Variants in FSTL5 observed in about 807,000 individuals in gnomAD.
FSTL5 encodes the protein follistatin-related protein 5.
A neutral mutation model predicts 89.1 loss-of-function variants in FSTL5; 62 were observed. That is an observed-to-expected ratio of 0.70 (90% CI 0.57 to 0.86). FSTL5 has a LOEUF of 0.86. Among genes scored for constraint, FSTL5 ranks in the 40% least tolerant of loss-of-function variants. The pLI is 0.00. For synonymous variants in FSTL5, 383 were observed against 346.2 expected (o/e 1.11, Z -1.18); for missense variants, 1,057 against 1,001.6 (o/e 1.06, Z -0.75).
At chr4:161,432,534 G>T (rs1732412921) in intron 15 of FSTL5, among the ~76,000 whole-genome samples, 1 of 151,776 alleles carries the variant, frequency 6.6e-6, no homozygotes, top group African/African-American at 2.4e-5. Context: ...GCATCTTAAA[G>T]AACTAGAAAA....
intron 15 of FSTL5, among the ~76,000 whole-genome samples, chr4:161,396,842 A>G (rs1445147036): frequency 6.6e-6 from 1 of 152,124 alleles, no homozygotes; most frequent in Admixed American, 6.6e-5. Context: ...CACGGTTTGG[A>G]GAAGGAAAAT....
At chr4:161,726,232 T>TC (rs1008084115) in intron 6 of FSTL5, among the ~76,000 whole-genome samples, 27 of 144,108 alleles carry the variant, frequency 1.9e-4, no homozygotes, top group African/African-American at 4.4e-4. Context: ...TTTTTCTTTT[T>TC]TTTTTTTTTT....
intron 10 of FSTL5, among the ~76,000 whole-genome samples, chr4:161,520,563 T>C (rs1730989921): frequency 6.6e-6 from 1 of 152,150 alleles, no homozygotes; most frequent in African/African-American, 2.4e-5. Context: ...AATTGGCTTA[T>C]CTTTAAAGAC....
At chr4:161,827,600 C>T (rs2052265306) in intron 4 of FSTL5, among the ~76,000 whole-genome samples, 1 of 152,140 alleles carries the variant, frequency 6.6e-6, no homozygotes. Flanking sequence ...TGTCTGAGCT[C>T]AGACTCTCCT....
At chr4:161,726,227 C>CTTTA (rs1553961473) in intron 6 of FSTL5, among the ~76,000 whole-genome samples, 2 of 113,678 alleles carry the variant, frequency 1.8e-5, no homozygotes, top group African/African-American at 3.4e-5. Context: ...TTTTCTTTTT[C>CTTTA]TTTTTTTTTT....
intron 6 of FSTL5, among the ~76,000 whole-genome samples, chr4:161,723,021 C>T (rs774984521): frequency 3.9e-5 from 6 of 152,110 alleles, no homozygotes; most frequent in East Asian, 1.9e-4. Flanking sequence ...GAGCAGAAAT[C>T]GGCAAGGCCA....
At chr4:161,607,484 T>C (rs1734494864) in intron 7 of FSTL5, among the ~76,000 whole-genome samples, 1 of 152,158 alleles carries the variant, frequency 6.6e-6, no homozygotes, top group Admixed American at 6.5e-5. Context: ...TGTCTGTTTC[T>C]GCGATAAAAA....
chr4:161,474,952 G>A (rs1734079701), intron 13 of FSTL5, among the ~76,000 whole-genome samples: 1 of 151,406 alleles, frequency 6.6e-6, no homozygotes, highest in South Asian at 2.1e-4. Flanking sequence ...CTCAGCTATT[G>A]TGTATCTGGG....
chr4:161,619,802 C>G lies in FSTL5; in HGVS notation c.895-32227G>C, dbSNP rs577852511. On this transcript the variant is annotated intron_variant, in intron 7 of 15. Transcript: ENST00000306100. ...GTGGCGATTCCTCAGGGACCTAGAA[C>G]TAGAAATACCACTTGACCCAGCCAT... Among the ~76,000 whole-genome samples, 5 of 152,198 alleles carry G rather than the reference C, an allele frequency of 3.3e-5. No individual in the cohort carries two copies. The South Asian group carries it at 1.0e-3, about 32-fold the overall frequency.
chr4:161,946,471 A>G (rs896199204), intron 3 of FSTL5, among the ~76,000 whole-genome samples: 3 of 152,200 alleles, frequency 2.0e-5, no homozygotes, highest in Admixed American at 6.5e-5. Flanking sequence ...GAAGGATGCC[A>G]TCAAGGATGC....
intron 11 of FSTL5, among the ~76,000 whole-genome samples, chr4:161,500,953 C>A (rs1730273069): frequency 6.6e-6 from 1 of 152,040 alleles, no homozygotes; most frequent in Non-Finnish European, 1.5e-5. Flanking sequence ...CTCTGCTTCT[C>A]CCCTGTTCCA....
chr4:162,000,425 T>A (rs1391595937), intron 3 of FSTL5, among the ~76,000 whole-genome samples: 2 of 151,766 alleles, frequency 1.3e-5, no homozygotes, highest in Non-Finnish European at 2.9e-5. Context: ...ACCCCATCTC[T>A]ACTAAAAATA....
intron 3 of FSTL5, among the ~76,000 whole-genome samples, chr4:161,955,242 C>G (rs1734997453): frequency 6.6e-6 from 1 of 151,566 alleles, no homozygotes; most frequent in Non-Finnish European, 1.5e-5. Flanking sequence ...CTTCTTTTCT[C>G]TTTAAGAAAC....
intron 8 of FSTL5, among the ~76,000 whole-genome samples, chr4:161,560,225 AG>A (rs1732544280): frequency 6.6e-6 from 1 of 151,898 alleles, no homozygotes; most frequent in Non-Finnish European, 1.5e-5. Flanking sequence ...GTGAAGTAAA[AG>A]TAAGATATAA....
intron 3 of FSTL5, among the ~76,000 whole-genome samples, chr4:161,927,316 T>C (rs1734154452): frequency 6.6e-6 from 1 of 151,726 alleles, no homozygotes; most frequent in African/African-American, 2.4e-5. Flanking sequence ...TTATTTCTTA[T>C]TAAAATTTAA....
At chr4:161,977,809 A>C (rs539596218) in intron 3 of FSTL5, among the ~76,000 whole-genome samples, 2 of 152,036 alleles carry the variant, frequency 1.3e-5, no homozygotes, top group East Asian at 3.9e-4. Flanking sequence ...GCCACAATTC[A>C]CCAAAGCAGA....
chr4:162,087,322 G>A (rs1717113394), intron 2 of FSTL5, among the ~76,000 whole-genome samples: 1 of 151,972 alleles, frequency 6.6e-6, no homozygotes, highest in South Asian at 2.1e-4. Flanking sequence ...ACTATTTATG[G>A]GTTCATAATT....
intron 1 of FSTL5, among the ~76,000 whole-genome samples, chr4:162,157,552 G>T (rs973896085): frequency 1.3e-5 from 2 of 151,906 alleles, no homozygotes; most frequent in Non-Finnish European, 2.9e-5. Flanking sequence ...TGAGTTACAC[G>T]AATGGTATAC....
chr4:162,006,803 A>C (rs1305094139), intron 3 of FSTL5, among the ~76,000 whole-genome samples: 1 of 151,978 alleles, frequency 6.6e-6, no homozygotes, highest in African/African-American at 2.4e-5. Flanking sequence ...CCAGTTCCAA[A>C]TTTACTAATT....
Sources: allele counts gnomAD v4.1 joint callset (sites outside exome capture counted in the v4.1 genomes callset), GRCh38; gene constraint gnomAD v4.1.1; transcripts MANE v1.5; gene names NCBI Gene and HGNC (gene_info 2026-07-23, HGNC 2026-07-21).